Variants in ZNF423 observed in about 807,000 individuals in gnomAD.
ZNF423 encodes zinc finger protein 423, also known as Ebf-associated zinc finger protein.
ZNF423 carries 12 observed loss-of-function variants against 95.8 expected under a neutral mutation model. The observed-to-expected ratio is 0.13, with a 90% CI of 0.08 to 0.20. The LOEUF (loss-of-function observed/expected upper bound fraction) is 0.20, where lower values mean the gene tolerates loss of function less well. ZNF423 is among the 10% of genes least tolerant of loss of function. The pLI is 1.00. For missense variants in ZNF423, 1,316 were observed against 1,737.1 expected (o/e 0.76, Z 4.31); for synonymous variants, 749 against 711.9 (o/e 1.05, Z -0.83).
rs1972853842 is a variant in ZNF423, at chr16:49,638,635, G to A, written c.541C>T (p.Arg181Cys). 2 of 1,613,946 alleles carry A rather than the reference G, an allele frequency of 1.2e-6. No homozygotes were observed. The highest frequency in any genetic ancestry group is 1.7e-6 in the Non-Finnish European group (2 of 1,179,966). The change falls in exon 4 of 8, where the codon CGC becomes TGC. Residue 181 changes from arginine (R) to cysteine (C), a missense_variant. Physicochemically the swap from Arg to Cys is radical, Grantham distance 180 (BLOSUM62 -3). Coordinates refer to ENST00000563137, the MANE Select transcript of ZNF423 (RefSeq NM_001379286.1). The surrounding 1 kb of genome is among the most constrained non-coding windows in gnomAD (Gnocchi z 5.6). ...KLPFKCTYCSRLFKHKRSRDR... is the reference protein window; with the variant it reads ...KLPFKCTYCSCLFKHKRSRDR... ...CGGCTCCTCTTGTGCTTGAAGAGGC[G>A]GCTGCAGTAGGTGCACTTGAACGGC...
At chr16:49,647,251 G>A (rs968034481) in intron 3 of ZNF423, among the ~76,000 whole-genome samples, 1 of 152,232 alleles carries the variant, frequency 6.6e-6, no homozygotes, top group African/African-American at 2.4e-5. Context: ...GGATGACCAG[G>A]CTAGGCTGGG....
chr16:49,828,780 C>T (rs757076864), intron 1 of ZNF423, among the ~76,000 whole-genome samples: 1 of 152,250 alleles, frequency 6.6e-6, no homozygotes, highest in African/African-American at 2.4e-5. Flanking sequence ...GAAAGGCCAT[C>T]ATCTGTCCCA....
chr16:49,555,781 G>A (rs1408025546), intron 5 of ZNF423, among the ~76,000 whole-genome samples: 2 of 152,160 alleles, frequency 1.3e-5, no homozygotes, highest in Admixed American at 6.5e-5. Flanking sequence ...GAGGGATGGT[G>A]CATGGATGGA....
At chr16:49,550,405 T>C (rs1002626903) in intron 5 of ZNF423, among the ~76,000 whole-genome samples, 6 of 152,228 alleles carry the variant, frequency 3.9e-5, no homozygotes, top group Non-Finnish European at 7.3e-5. Flanking sequence ...CTAAGTTGAT[T>C]TCATGATTTG....
chr16:49,719,382 G>T (rs757722843), intron 3 of ZNF423, among the ~76,000 whole-genome samples: 1 of 152,230 alleles, frequency 6.6e-6, no homozygotes, highest in Non-Finnish European at 1.5e-5. Context: ...ACAGAATAAA[G>T]AAAAGACCTT....
chr16:49,491,787 T>C (rs1019408473), intron 7 of ZNF423, among the ~76,000 whole-genome samples: 1 of 152,186 alleles, frequency 6.6e-6, no homozygotes, highest in African/African-American at 2.4e-5. Flanking sequence ...AGATGTGCTG[T>C]GCAGCTCTCC....
intron 5 of ZNF423, among the ~76,000 whole-genome samples, chr16:49,559,273 C>T (rs1325500482): frequency 2.6e-5 from 4 of 152,254 alleles, no homozygotes; most frequent in African/African-American, 9.6e-5. Context: ...TACTTTCCTA[C>T]TCAGTACCAA....
chr16:49,567,394 A>G (rs1345713604), intron 5 of ZNF423, among the ~76,000 whole-genome samples: 1 of 152,244 alleles, frequency 6.6e-6, no homozygotes, highest in African/African-American at 2.4e-5. Flanking sequence ...CAGCTCCACA[A>G]TGTGGAAACA....
At position 49,638,905 on chromosome 16, in the gene ZNF423, G is replaced by A; in HGVS notation, c.302-31C>T. The A allele has an allele frequency of 6.4e-7, 1 of 1,568,072 alleles. No individual in the cohort carries two copies. The highest frequency in any genetic ancestry group is 8.7e-7 in the Non-Finnish European group (1 of 1,155,254). On this transcript the variant is annotated intron_variant, in intron 3 of 7. Transcript: ENST00000563137. This position sits in a 1 kb window ranked among gnomAD's most constrained non-coding sequence, Gnocchi z 5.6. Reference sequence around the variant, plus strand: ...AGAGAAGGCAGAGAGGATATTAGAGGCAATTCCCAGGGCTGCCGAGAAACA... The same window carrying A: ...AGAGAAGGCAGAGAGGATATTAGAGACAATTCCCAGGGCTGCCGAGAAACA...
chr16:49,786,439 T>A (rs1178303460), intron 2 of ZNF423, among the ~76,000 whole-genome samples: 2 of 152,222 alleles, frequency 1.3e-5, no homozygotes, highest in Non-Finnish European at 2.9e-5. Context: ...AAGCTTGCGC[T>A]CTGGGCCAAG....
chr16:49,576,667 A>G (rs1970510695), intron 5 of ZNF423, among the ~76,000 whole-genome samples: 1 of 152,318 alleles, frequency 6.6e-6, no homozygotes, highest in Non-Finnish European at 1.5e-5. Context: ...AGTCTGCCCC[A>G]GTAGAGTTCA....
intron 3 of ZNF423, among the ~76,000 whole-genome samples, chr16:49,681,168 A>G (rs1230198814): frequency 6.6e-6 from 1 of 152,224 alleles, no homozygotes; most frequent in Non-Finnish European, 1.5e-5. Context: ...CGGACTCAGT[A>G]CAAACTCCAA....
chr16:49,616,839 G>C (rs1971892068), intron 5 of ZNF423, among the ~76,000 whole-genome samples: 1 of 152,108 alleles, frequency 6.6e-6, no homozygotes, highest in South Asian at 2.1e-4. Flanking sequence ...AGCATGGCCG[G>C]TTTTTCCTCT....
chr16:49,824,768 C>T lies in ZNF423; in HGVS notation c.40+30967G>A, dbSNP rs138399365. Among the ~76,000 whole-genome samples, 76 of 152,270 alleles carry T rather than the reference C, an allele frequency of 5.0e-4. 1 individual carries two copies. The East Asian group carries it at 0.014, about 28-fold the overall frequency. ...AAACCTGACCCCTTGCTTTCCCTTC[C>T]TGGACCCCGCCTCTCCACCAAATGC... On this transcript the variant is annotated intron_variant, in intron 1 of 7. Coordinates refer to ENST00000563137, the MANE Select transcript of ZNF423 (RefSeq NM_001379286.1).
At chr16:49,534,613 G>A (rs184265888) in intron 5 of ZNF423, among the ~76,000 whole-genome samples, 2 of 152,234 alleles carry the variant, frequency 1.3e-5, no homozygotes, top group Admixed American at 6.5e-5. Flanking sequence ...TGGTGACATG[G>A]CACATACAAA....
At chr16:49,590,565 G>A (rs561054341) in intron 5 of ZNF423, among the ~76,000 whole-genome samples, 225 of 152,302 alleles carry the variant, frequency 1.5e-3, no homozygotes, top group Non-Finnish European at 2.9e-3. Context: ...CCATACAGGA[G>A]CTCCAGGGCA....
At chr16:49,559,439 C>T (rs2151766032) in intron 5 of ZNF423, among the ~76,000 whole-genome samples, 1 of 152,346 alleles carries the variant, frequency 6.6e-6, no homozygotes, top group Non-Finnish European at 1.5e-5. Context: ...CAGGGAACAT[C>T]CTCACCAGTC....
chr16:49,605,902 C>T (rs561946819), intron 5 of ZNF423, among the ~76,000 whole-genome samples: 1 of 152,168 alleles, frequency 6.6e-6, no homozygotes. Flanking sequence ...GAGCAGATTC[C>T]CGGGAAAGGT....
chr16:49,678,943 C>A (rs1249668622), intron 3 of ZNF423, among the ~76,000 whole-genome samples: 1 of 152,164 alleles, frequency 6.6e-6, no homozygotes, highest in East Asian at 1.9e-4. Context: ...CAACACCAGC[C>A]CTCACTGCCC....
Sources: allele counts gnomAD v4.1 joint callset (sites outside exome capture counted in the v4.1 genomes callset), GRCh38; gene constraint gnomAD v4.1.1; non-coding constraint Gnocchi (gnomAD v3.1); transcripts MANE v1.5; gene names NCBI Gene and HGNC (gene_info 2026-07-23, HGNC 2026-07-21).